The following TAF1 variants were observed in gnomAD, a reference collection of about 807,000 sequenced individuals.
The protein encoded by TAF1 is TATA-box binding protein associated factor 1, also known as transcription initiation factor TFIID subunit 1.
Under a neutral mutation model 138.5 loss-of-function variants are expected in TAF1, and 2 were observed. That is an observed-to-expected ratio of 0.01 (90% CI 0.01 to 0.05). TAF1 has a LOEUF of 0.05. Among genes scored for constraint, TAF1 ranks in the 10% least tolerant of loss-of-function variants. The pLI is 1.00. For missense variants in TAF1, 709 were observed against 1,478.0 expected (o/e 0.48, Z 8.53); for synonymous variants, 437 against 503.2 (o/e 0.87, Z 1.76).
Position 71,377,293 on chromosome X carries a change from A to G in TAF1, c.714+102A>G, listed in dbSNP as rs922736093. 6.2e-6 allele frequency: 7 copies of G among 1,122,182 alleles called. No homozygotes were observed. The East Asian group carries it at 1.8e-4, about 29-fold the overall frequency. 92.5% of individuals were successfully genotyped at this position (1,122,182 alleles called of 1,213,427 possible). ...AGTATGGAATGGGGTTTCCTTACTCAGTGACATATTATTGGCTACATAAGA... is the reference window on the plus strand; with the variant it reads ...AGTATGGAATGGGGTTTCCTTACTCGGTGACATATTATTGGCTACATAAGA... On this transcript the variant is annotated intron_variant, in intron 5 of 37. Transcript: ENST00000423759.
rs142778899 is a variant in TAF1 at position 71,438,315 on chromosome X, A to G, written c.4753+14077A>G. Among the ~76,000 whole-genome samples the G allele has an allele frequency of 3.4e-3, 380 of 111,422 alleles. 2 individuals are homozygous for G. Among genetic ancestry groups the G allele is most frequent in the Non-Finnish European group, 5.3e-3 (282 of 53,016 alleles). On this transcript the variant is annotated intron_variant, in intron 32 of 37. Coordinates refer to ENST00000423759, the MANE Select transcript of TAF1 (RefSeq NM_004606.5). ...CCTGGTAACCTCTATTCTAGTTTCT[A>G]TCTCTATGAAATTGCCTATTCTAGG...
At chrX:71,514,316 G>A (rs752702313) in intron 13 of TAF1, among the ~76,000 whole-genome samples, 1 of 109,635 alleles carries the variant, frequency 9.1e-6, no homozygotes, top group South Asian at 3.9e-4. Flanking sequence ...TGAGATCCCT[G>A]TCTCAGAAAA....
intron 28 of TAF1, among the ~76,000 whole-genome samples, chrX:71,416,983 A>G (rs1221417158): frequency 1.0e-5 from 1 of 98,900 alleles, no homozygotes; most frequent in Non-Finnish European, 2.0e-5. Flanking sequence ...AGCCTGGCCA[A>G]CACTCCAACC....
chrX:71,510,963 C>T (rs1002340115), intron 13 of TAF1, among the ~76,000 whole-genome samples: 52 of 111,012 alleles, frequency 4.7e-4, no homozygotes, highest in Non-Finnish European at 8.9e-4. Flanking sequence ...ATTAGCCGGG[C>T]GTGGTGGCGC....
At position 71,401,604 on chromosome X, in the gene TAF1, C is replaced by T. The variant is rs1475300074; in HGVS notation, c.3863C>T (p.Ala1288Val). ...TGCCCCCTCTATTATCAAACAAATG[C>T]GCCACCTTCCAACCCTGTTGCCATG... ...KFCPLYYQTN[A>V]PPSNPVAMTE... Residue 1288 changes from alanine to valine, a missense_variant, in exon 25 of 38, where the codon GCG becomes GTG. Physicochemically the swap from Ala to Val is moderately conservative, Grantham distance 64 (BLOSUM62 0). Around this residue, in one of 14 missense-constraint regions of TAF1, gnomAD observed 5 missense variants for 63.5 expected, o/e 0.08. Coordinates refer to ENST00000423759, the MANE Select transcript of TAF1 (RefSeq NM_004606.5). 7.4e-6 allele frequency: 9 copies of T among 1,209,965 alleles called. No homozygotes were observed. Among genetic ancestry groups the T allele is most frequent in the African/African-American group, 1.7e-5 (1 of 57,166 alleles).
chrX:71,499,985 C>T (rs1186860206), intron 13 of TAF1, among the ~76,000 whole-genome samples: 2 of 111,288 alleles, frequency 1.8e-5, no homozygotes, highest in Non-Finnish European at 3.8e-5. Flanking sequence ...GGGATATGTA[C>T]CCGGGTTGGG....
intron 34 of TAF1, among the ~76,000 whole-genome samples, chrX:71,458,012 C>T (rs2038381980): frequency 8.9e-6 from 1 of 112,661 alleles, no homozygotes. Context: ...AGCTTTGGTG[C>T]ATTTCTGCTT....
chrX:71,384,847 A>G (rs766078883), intron 13 of TAF1, 98 bp from the exon 14 acceptor site: 1 of 598,589 alleles, frequency 1.7e-6, no homozygotes, highest in East Asian at 3.5e-5. Flanking sequence ...AGCATTTTGG[A>G]TGAGGGATAC....
chrX:71,525,233 G>A (rs1398092738), intron 13 of TAF1, among the ~76,000 whole-genome samples: 2 of 110,107 alleles, frequency 1.8e-5, no homozygotes, highest in African/African-American at 6.6e-5. Flanking sequence ...GTAAAGAGGG[G>A]GTTTCACCAT....
At chrX:71,500,333 A>G (rs1178294120) in intron 13 of TAF1, among the ~76,000 whole-genome samples, 2 of 111,098 alleles carry the variant, frequency 1.8e-5, no homozygotes, top group Non-Finnish European at 3.8e-5. Flanking sequence ...TCAGGTGGCC[A>G]TTTTTCCCCA....
chrX:71,453,506 G>A (rs904042163), intron 32 of TAF1, among the ~76,000 whole-genome samples: 4 of 108,225 alleles, frequency 3.7e-5, no homozygotes, highest in African/African-American at 1.0e-4. Context: ...CCTGGGTGAC[G>A]GAGCGAAACT....
chrX:71,408,076 A>G lies in TAF1; in HGVS notation c.4309A>G (p.Lys1437Glu). The G allele has an allele frequency of 8.3e-7, 1 of 1,211,934 alleles. No individual in the cohort carries two copies. Among genetic ancestry groups the G allele is most frequent in the Non-Finnish European group, 1.1e-6 (1 of 895,614 alleles). The change falls in exon 28 of 38, where the codon AAA becomes GAA. Residue 1437 changes from lysine to glutamate, a missense_variant. Transcript: ENST00000423759. ...DLQTLRENVR[K>E]RLYPSREEFR... is the part of the protein sequence containing the mutation. ...ACAAACACTCCGCGAAAACGTGCGT[A>G]AACGCCTCTACCCATCTCGGGAAGA...
chrX:71,471,023 A>AT (rs1431292267), intron 13 of TAF1, among the ~76,000 whole-genome samples: 1 of 107,413 alleles, frequency 9.3e-6, no homozygotes, highest in Admixed American at 1.0e-4. Flanking sequence ...ATGTCTCAAA[A>AT]ATATATATAC....
intron 32 of TAF1, among the ~76,000 whole-genome samples, chrX:71,450,511 A>AT (rs766972918): frequency 3.6e-5 from 4 of 112,344 alleles, no homozygotes; most frequent in African/African-American, 1.3e-4. Flanking sequence ...CCTGTGGTAT[A>AT]TTTTTTATCC....
At chrX:71,492,948 G>C in intron 13 of TAF1, 1 of 112,780 alleles carries the variant, frequency 8.9e-6, no homozygotes, top group South Asian at 3.6e-4. Flanking sequence ...CCCGGCCTCC[G>C]GCATTGCTCC....
intron 3 of TAF1, among the ~76,000 whole-genome samples, chrX:71,370,862 AG>A (rs2033008479): frequency 8.9e-6 from 1 of 112,280 alleles, no homozygotes; most frequent in African/African-American, 3.2e-5. Context: ...AGAAGATATA[AG>A]CCCTGCCTTT....
intron 13 of TAF1, among the ~76,000 whole-genome samples, chrX:71,511,118 T>TA (rs374370428): frequency 0.017 from 1,697 of 102,655 alleles, 39 homozygotes; most frequent in African/African-American, 0.057. Flanking sequence ...ATAAAAAAAA[T>TA]AAAAAAAAAA....
intron 37 of TAF1, among the ~76,000 whole-genome samples, chrX:71,462,432 T>C (rs2038589422): frequency 9.1e-6 from 1 of 110,300 alleles, no homozygotes; most frequent in Non-Finnish European, 1.9e-5. Flanking sequence ...AAAAATTAGC[T>C]GGGCCTGGTC....
rs1332089145 is a variant in TAF1 at position 71,519,638 on chromosome X, A to G, written c.1367-8904A>G. 2.8e-5 allele frequency among the ~76,000 whole-genome samples: 3 copies of G among 107,554 alleles called. No individual in the cohort carries two copies. The East Asian group carries it at 8.6e-4, about 31-fold the overall frequency. The allele number at this position is 107,554 out of a possible 115,157, so 93.4% of individuals were successfully genotyped here. ...AGCCTGGGAGACAGAGCGAGACTCC[A>G]TCTCAAAAAAATAAAAATAAAAAAA... On this transcript the variant is annotated intron_variant and NMD_transcript_variant, in intron 13 of 14. Coordinates refer to the TAF1 transcript ENST00000373775.
Sources: gnomAD v4.1 joint callset for allele counts (sites outside exome capture counted in the v4.1 genomes callset) on GRCh38, gnomAD v4.1.1 for gene constraint, gnomAD v4.1.1 regional missense constraint, MANE v1.5 for transcripts, NCBI Gene and HGNC (gene_info 2026-07-23, HGNC 2026-07-21) for gene names.